HIVEP3: variants seen among roughly 807,000 people sequenced by gnomAD.
The protein encoded by HIVEP3 is transcription factor HIVEP3.
A neutral mutation model predicts 152.8 loss-of-function variants in HIVEP3; 49 were observed. The observed-to-expected ratio is 0.32, with a 90% CI of 0.26 to 0.41. The LOEUF (loss-of-function observed/expected upper bound fraction) is 0.41, where lower values mean the gene tolerates loss of function less well. Ranked by LOEUF, HIVEP3 falls within the 10% of genes least tolerant of loss-of-function variation. The pLI is 1.00. For missense variants in HIVEP3, 2,790 were observed against 3,103.3 expected, an observed-to-expected ratio of 0.90 and a Z score of 2.40; for synonymous variants, 1,269 against 1,289.0, an observed-to-expected ratio of 0.98 and a Z score of 0.33.
intron 1 of HIVEP3, among the ~76,000 whole-genome samples, chr1:41,909,634 G>C (rs1644766491): frequency 6.6e-6 from 1 of 152,050 alleles, no homozygotes; most frequent in South Asian, 2.1e-4. Context: ...TGATCTGATA[G>C]AGTTACATAG....
Position 41,755,166 on chromosome 1 carries a change from G to A in HIVEP3, c.-800-54171C>T, listed in dbSNP as rs559380402. Among the ~76,000 whole-genome samples, 40 of 152,296 alleles carry A rather than the reference G, an allele frequency of 2.6e-4. 1 individual carries two copies. The highest frequency in any genetic ancestry group is 8.9e-4 in the African/African-American group (37 of 41,564). On this transcript the variant is annotated intron_variant, in intron 1 of 8. Transcript: ENST00000372583. ...TAGTTCCACATGGCTACAGCCAACC[G>A]AGTTTGGACAAAGGCAAAAAAGCAA...
At chr1:41,838,293 T>A (rs530724169) in intron 1 of HIVEP3, among the ~76,000 whole-genome samples, 1 of 152,242 alleles carries the variant, frequency 6.6e-6, no homozygotes, top group Admixed American at 6.5e-5. Context: ...ATTCAGAGCA[T>A]TTCCATCGCA....
intron 1 of HIVEP3, among the ~76,000 whole-genome samples, chr1:42,001,601 G>A (rs967319425): frequency 2.0e-5 from 3 of 152,118 alleles, no homozygotes; most frequent in African/African-American, 2.4e-5. Context: ...GCTGGGCCCC[G>A]AAGACACAGC....
At chr1:41,700,863 T>G in intron 2 of HIVEP3, 53 bp downstream of exon 2, 4 of 818,078 alleles carry the variant, frequency 4.9e-6, no homozygotes, top group Non-Finnish European at 5.9e-6. Flanking sequence ...CCTAATGGCC[T>G]TTGGGCTGTG....
chr1:41,826,200 A>AT (rs1164742457), intron 1 of HIVEP3, among the ~76,000 whole-genome samples: 4 of 152,102 alleles, frequency 2.6e-5, no homozygotes, highest in Non-Finnish European at 5.9e-5. Context: ...ATTAACCGAT[A>AT]TTTTGTAAAA....
intron 2 of HIVEP3, among the ~76,000 whole-genome samples, chr1:41,631,131 C>T (rs1346388241): frequency 2.0e-5 from 3 of 152,210 alleles, no homozygotes; most frequent in African/African-American, 4.8e-5. Context: ...TCAGTGGTGG[C>T]GTGGCGTGTC....
chr1:41,978,486 G>A (rs983597374), intron 1 of HIVEP3, among the ~76,000 whole-genome samples: 6 of 152,156 alleles, frequency 3.9e-5, no homozygotes, highest in Admixed American at 2.0e-4. Context: ...CACAGGAGGC[G>A]GCTGTCTGCA....
intron 1 of HIVEP3, among the ~76,000 whole-genome samples, chr1:41,764,703 T>A (rs1317582115): frequency 2.0e-5 from 3 of 152,230 alleles, no homozygotes. Flanking sequence ...GAAGGCATCA[T>A]GCCAGGCACT....
intron 1 of HIVEP3, among the ~76,000 whole-genome samples, chr1:41,951,237 A>G (rs1228273112): frequency 6.6e-6 from 1 of 152,252 alleles, no homozygotes; most frequent in Non-Finnish European, 1.5e-5. Flanking sequence ...ACTTCTAGCT[A>G]TGATGGAGTT....
intron 2 of HIVEP3, among the ~76,000 whole-genome samples, chr1:41,635,099 G>A (rs752677297): frequency 1.3e-5 from 2 of 152,134 alleles, no homozygotes; most frequent in Non-Finnish European, 2.9e-5. Flanking sequence ...CACAGCCTCA[G>A]TTCTTGATGA....
intron 6 of HIVEP3, among the ~76,000 whole-genome samples, chr1:41,522,746 G>C (rs1289816961): frequency 6.6e-6 from 1 of 152,238 alleles, no homozygotes; most frequent in Admixed American, 6.5e-5. Flanking sequence ...AAGGCAAAGG[G>C]AATTGAGTGG....
chr1:41,736,272 C>T (rs6667709), intron 1 of HIVEP3, among the ~76,000 whole-genome samples: 48,483 of 152,074 alleles, frequency 0.32, 8,718 homozygotes, highest in East Asian at 0.47. Context: ...TTGCATCCCC[C>T]GTGGTGTTCA....
rs35586296 is a variant in HIVEP3 at position 41,583,019 on chromosome 1, G to C, written c.1779C>G (p.Ile593Met). 1 of 1,614,018 alleles carries C rather than the reference G, an allele frequency of 6.2e-7. No individual in the cohort carries two copies. ...TGTATTCCCCTCCCAAAGGTAATTC[G>C]ATTGCCGGCTGGCGCTTCAGCATCC... is the stretch of plus-strand genomic sequence containing the variant. ...HPRMLKRQPA[I>M]ELPLGGEYSS... is the part of the protein sequence containing the mutation. Residue 593 changes from isoleucine to methionine, a missense_variant, in exon 4 of 9, where the codon ATC (isoleucine) becomes ATG (methionine). Ile to Met is a conservative substitution (Grantham distance 10). Coordinates refer to ENST00000372583, the MANE Select transcript of HIVEP3 (RefSeq NM_024503.5). This position sits in a 1 kb window ranked among gnomAD's most constrained non-coding sequence, Gnocchi z 6.9.
Position 41,664,953 on chromosome 1 carries a change from T to C in HIVEP3, c.-721+35963A>G, listed in dbSNP as rs1159957694. ...AATGCAATTTGTCAAGCCCTTTCAT[T>C]GTACCAGACACAGTCAGACTGGATG... On this transcript the variant is annotated intron_variant, in intron 2 of 8. Coordinates refer to ENST00000372583, the MANE Select transcript of HIVEP3 (RefSeq NM_024503.5). The surrounding 1 kb of genome is among the most constrained non-coding windows in gnomAD (Gnocchi z 4.4). Among the ~76,000 whole-genome samples the C allele has an allele frequency of 2.6e-5, 4 of 152,138 alleles. No individual in the cohort carries two copies. The highest frequency in any genetic ancestry group is 4.8e-5 in the African/African-American group (2 of 41,408).
intron 2 of HIVEP3, among the ~76,000 whole-genome samples, chr1:41,636,436 C>T (rs1334562017): frequency 6.6e-6 from 1 of 152,102 alleles, no homozygotes; most frequent in Non-Finnish European, 1.5e-5. Flanking sequence ...GACCTCAGTG[C>T]TCTTAATGGA....
chr1:41,583,094 G>A lies in HIVEP3; in HGVS notation c.1704C>T (p.Thr568=), dbSNP rs778310281. The A allele has an allele frequency of 4.3e-6, 7 of 1,613,610 alleles. No homozygotes were observed. Among genetic ancestry groups the A allele is most frequent in the African/African-American group, 1.3e-5 (1 of 74,830 alleles). ...RGSYSFDDHI[T]DSEALSHSSH... ...TGCTGTGGCTCAGGGCTTCGGAGTC[G>A]GTGATATGGTCATCGAAGGAGTAGC... The change falls in exon 4 of 9, where the codon ACC becomes ACT. Residue 568 remains threonine (T), a synonymous_variant. Transcript: ENST00000372583. The surrounding 1 kb of genome is among the most constrained non-coding windows in gnomAD (Gnocchi z 6.9).
At chr1:41,543,304 T>C (rs914580582) in intron 5 of HIVEP3, 3 of 152,234 alleles carry the variant, frequency 2.0e-5, no homozygotes, top group Non-Finnish European at 2.9e-5. Context: ...GCATGACAGA[T>C]GGACAGATGG....
intron 2 of HIVEP3, among the ~76,000 whole-genome samples, chr1:41,692,504 C>G (rs1646212997): frequency 6.6e-6 from 1 of 152,168 alleles, no homozygotes; most frequent in South Asian, 2.1e-4. Context: ...AACAGAAATA[C>G]ACATAACACA....
intron 1 of HIVEP3, among the ~76,000 whole-genome samples, chr1:41,898,495 C>T (rs1487602674): frequency 1.3e-5 from 2 of 152,228 alleles, no homozygotes; most frequent in Non-Finnish European, 2.9e-5. Flanking sequence ...TGCCATTTAC[C>T]ATTACCTCCC....
Sources: gnomAD v4.1 joint callset for allele counts (sites outside exome capture counted in the v4.1 genomes callset) on GRCh38, gnomAD v4.1.1 for gene constraint, Gnocchi (gnomAD v3.1) non-coding constraint, MANE v1.5 for transcripts, NCBI Gene and HGNC (gene_info 2026-07-23, HGNC 2026-07-21) for gene names.